The following LRRC37A2 variants were observed in gnomAD, a reference collection of about 807,000 sequenced individuals.
LRRC37A2 encodes leucine-rich repeat-containing protein 37A2.
LRRC37A2 carries 9 observed loss-of-function variants against 68.8 expected under a neutral mutation model. The observed-to-expected ratio is 0.13, with a 90% CI of 0.08 to 0.23. LRRC37A2 has a LOEUF of 0.23. LRRC37A2 is among the 10% of genes least tolerant of loss of function. LRRC37A2 has a pLI of 1.00. For synonymous variants in LRRC37A2, 63 were observed against 367.6 expected, an observed-to-expected ratio of 0.17 and a Z score of 9.48; for missense variants, 168 against 950.4, an observed-to-expected ratio of 0.18 and a Z score of 10.82.
the LRRC37A2 span, among the ~76,000 whole-genome samples, chr17:46,967,463 T>G: frequency 6.6e-6 from 1 of 152,214 alleles, no homozygotes; most frequent in African/African-American, 2.4e-5. Flanking sequence ...ATAATTCTGT[T>G]TCATGGGTGA....
At chr17:46,827,242 A>G in the LRRC37A2 span, among the ~76,000 whole-genome samples, 1 of 152,186 alleles carries the variant, frequency 6.6e-6, no homozygotes, top group African/African-American at 2.4e-5. Flanking sequence ...ATCTAAGTCA[A>G]TCACGGGGAC....
At chr17:46,490,744 T>G in the LRRC37A2 span, among the ~76,000 whole-genome samples, 1 of 150,348 alleles carries the variant, frequency 6.7e-6, no homozygotes, top group South Asian at 2.1e-4. Flanking sequence ...AAAAAACCTT[T>G]ACATTTTATT....
the LRRC37A2 span, among the ~76,000 whole-genome samples, chr17:46,974,505 C>T: frequency 7.2e-5 from 11 of 152,098 alleles, no homozygotes. Flanking sequence ...GAGGCCGAGG[C>T]GGGTGGATCA....
chr17:47,045,000 G>A, the LRRC37A2 span, among the ~76,000 whole-genome samples: 1 of 151,014 alleles, frequency 6.6e-6, no homozygotes, highest in Non-Finnish European at 1.5e-5. Flanking sequence ...AACAGAGCGA[G>A]ACCTGGCCTC....
chr17:46,753,900 A>G, the LRRC37A2 span, among the ~76,000 whole-genome samples: 1 of 152,240 alleles, frequency 6.6e-6, no homozygotes, highest in Non-Finnish European at 1.5e-5. Flanking sequence ...TTTGCAGAAT[A>G]TAAGTCGTGG....
At chr17:47,009,957 C>A in the LRRC37A2 span, among the ~76,000 whole-genome samples, 1 of 152,226 alleles carries the variant, frequency 6.6e-6, no homozygotes, top group Non-Finnish European at 1.5e-5. Flanking sequence ...GATGTTGTGG[C>A]CTTCGCCGGG....
At chr17:46,905,504 C>G in the LRRC37A2 span, among the ~76,000 whole-genome samples, 1 of 152,202 alleles carries the variant, frequency 6.6e-6, no homozygotes, top group African/African-American at 2.4e-5. Context: ...TCAGCTGAGT[C>G]GTAAGTTGTT....
the LRRC37A2 span, among the ~76,000 whole-genome samples, chr17:46,787,324 G>A: frequency 6.6e-6 from 1 of 152,072 alleles, no homozygotes; most frequent in Non-Finnish European, 1.5e-5. Context: ...AACAATAGGA[G>A]TGTCCTGGAA....
the LRRC37A2 span, among the ~76,000 whole-genome samples, chr17:46,919,904 A>T: frequency 6.6e-6 from 1 of 152,000 alleles, no homozygotes; most frequent in Non-Finnish European, 1.5e-5. Flanking sequence ...CCAAGATTGC[A>T]CCATTGCATT....
At chr17:46,874,537 C>A in the LRRC37A2 span, among the ~76,000 whole-genome samples, 1 of 152,108 alleles carries the variant, frequency 6.6e-6, no homozygotes, top group Non-Finnish European at 1.5e-5. Flanking sequence ...GGAACATACT[C>A]CATAGTGAAT....
At chr17:46,952,056 G>C in the LRRC37A2 span, among the ~76,000 whole-genome samples, 37 of 152,344 alleles carry the variant, frequency 2.4e-4, 1 homozygote, top group Admixed American at 2.2e-3. Flanking sequence ...GATTCCTGAA[G>C]CTGGGTTGTT....
the LRRC37A2 span, among the ~76,000 whole-genome samples, chr17:46,838,490 G>C: frequency 6.6e-6 from 1 of 151,972 alleles, no homozygotes; most frequent in Non-Finnish European, 1.5e-5. Context: ...AGCTGGGCAT[G>C]GTGGTATTCG....
chr17:46,605,547 CAG>C, the LRRC37A2 span, among the ~76,000 whole-genome samples: 1 of 122,962 alleles, frequency 8.1e-6, no homozygotes, highest in African/African-American at 3.1e-5. Context: ...AGCCATAAGA[CAG>C]GGAGTAATAT....
At chr17:46,843,480 A>G in the LRRC37A2 span, among the ~76,000 whole-genome samples, 49 of 152,252 alleles carry the variant, frequency 3.2e-4, no homozygotes, top group South Asian at 9.7e-3. Context: ...ACATTGCTGC[A>G]TCTCAGTTGC....
At chr17:46,791,776 A>G in the LRRC37A2 span, among the ~76,000 whole-genome samples, 2 of 152,164 alleles carry the variant, frequency 1.3e-5, no homozygotes, top group African/African-American at 2.4e-5. Context: ...ATGGTGGCGC[A>G]TGCCTATAAT....
At chr17:46,799,884 G>A in the LRRC37A2 span, among the ~76,000 whole-genome samples, 1 of 152,152 alleles carries the variant, frequency 6.6e-6, no homozygotes, top group South Asian at 2.1e-4. Flanking sequence ...GCTATGAAGT[G>A]GACATCTGGG....
At chr17:46,780,632 C>A in the LRRC37A2 span, among the ~76,000 whole-genome samples, 3 of 152,192 alleles carry the variant, frequency 2.0e-5, no homozygotes, top group East Asian at 5.8e-4. Context: ...AAAAATTAGC[C>A]GGGCGTGGTG....
intron 6 of LRRC37A2, among the ~76,000 whole-genome samples, chr17:46,534,206 A>C (rs1405722221): frequency 7.1e-6 from 1 of 140,136 alleles, no homozygotes; most frequent in Non-Finnish European, 1.6e-5. Flanking sequence ...TGTTTTTTTT[A>C]ATTTTTTTTT....
the LRRC37A2 span, among the ~76,000 whole-genome samples, chr17:46,900,866 G>C: frequency 1.3e-5 from 2 of 152,172 alleles, no homozygotes; most frequent in Non-Finnish European, 2.9e-5. Flanking sequence ...TGTGCTCTGG[G>C]CCATAAAACA....
Sources: gnomAD v4.1 joint callset for allele counts (sites outside exome capture counted in the v4.1 genomes callset) on GRCh38, gnomAD v4.1.1 for gene constraint, MANE v1.5 for transcripts, NCBI Gene and HGNC (gene_info 2026-07-23, HGNC 2026-07-21) for gene names.